Variants in PIEZO1 observed in about 807,000 individuals in gnomAD.
PIEZO1 encodes the protein piezo type mechanosensitive ion channel component 1 (Er blood group), also known as piezo-type mechanosensitive ion channel component 1.
PIEZO1 carries 296 observed loss-of-function variants against 297.2 expected under a neutral mutation model. That is an observed-to-expected ratio of 1.00 (90% confidence interval 0.91 to 1.10). The LOEUF (loss-of-function observed/expected upper bound fraction) is 1.10, where lower values mean the gene tolerates loss of function less well. Ranked by LOEUF, PIEZO1 falls within the 50% of genes least tolerant of loss-of-function variation. The pLI, the probability that PIEZO1 is intolerant of heterozygous loss-of-function variation, is 0.00. For synonymous variants in PIEZO1, 2,427 were observed against 1,507.5 expected (o/e 1.61, Z -14.13); for missense variants, 5,018 against 3,455.5 (o/e 1.45, Z -11.34).
chr16:88,737,793 A>ACC lies in PIEZO1; in HGVS notation c.1040_1041dup (p.Tyr348GlyfsTer9). 1 of 1,535,410 alleles carries ACC rather than the reference A, an allele frequency of 6.5e-7. No homozygotes were observed. Among genetic ancestry groups the ACC allele is most frequent in the Non-Finnish European group, 8.7e-7 (1 of 1,146,648 alleles). On this transcript the variant is annotated frameshift_variant, in exon 9 of 51. Coordinates refer to ENST00000301015, the MANE Select transcript of PIEZO1 (RefSeq NM_001142864.4). LOFTEE classifies it high-confidence loss of function. ...GCTAGCTCCAGCTCCCGAGCCTCAT[A>ACC]CCCCTTTGCCGCCTCCTTCCTCTGC...
intron 1 of PIEZO1, among the ~76,000 whole-genome samples, chr16:88,773,305 C>T (rs1446635590): frequency 6.6e-6 from 1 of 152,240 alleles, no homozygotes; most frequent in Non-Finnish European, 1.5e-5. Context: ...AACGAGGGAC[C>T]CCCTGAATAA....
At chr16:88,745,016 G>A (rs1465830781) in intron 2 of PIEZO1, 1 of 152,120 alleles carries the variant, frequency 6.6e-6, no homozygotes, top group East Asian at 1.9e-4. Flanking sequence ...ATGACCTCAA[G>A]GGGTCGGGTG....
intron 12 of PIEZO1, among the ~76,000 whole-genome samples, chr16:88,735,611 G>A (rs1597459227): frequency 2.0e-5 from 3 of 152,384 alleles, no homozygotes; most frequent in East Asian, 1.9e-4. Flanking sequence ...GCTCACAGGT[G>A]CATATGTTGG....
intron 2 of PIEZO1, chr16:88,745,894 G>C (rs537594779): frequency 6.6e-6 from 1 of 152,398 alleles, no homozygotes; most frequent in South Asian, 2.1e-4. Context: ...CGGAGCCCTT[G>C]GACCCCGGCA....
chr16:88,726,747 C>T lies in PIEZO1; in HGVS notation c.3667G>A (p.Val1223Ile), dbSNP rs185326407. ...VLWDCLILYN[V>I]TVIISKNMLS... is the part of the protein sequence containing the mutation. ...ATGTTCTTGGAGATGATGACGGTGA[C>T]GTTGTACAGAATGAGGCAGTCCCAC... The change falls in exon 25 of 51, where the codon GTC (valine) becomes ATC (isoleucine). Residue 1223 changes from valine (V) to isoleucine (I), a missense_variant. Val to Ile is a conservative substitution (Grantham distance 29, BLOSUM62 3). Transcript: ENST00000301015. 6,233 of 1,549,974 alleles carry T rather than the reference C, an allele frequency of 4.0e-3. 17 individuals carry two copies. Among genetic ancestry groups the T allele is most frequent in the Non-Finnish European group, 4.8e-3 (5,526 of 1,146,800 alleles).
chr16:88,731,688 A>G lies in PIEZO1; in HGVS notation c.3196+18T>C. Reference sequence around the variant, plus strand: ...AAAGCCACAAAGCCCACTCCCACCCAAGCCACGTGCCCCTCACCAATGCAC... The same window carrying G: ...AAAGCCACAAAGCCCACTCCCACCCGAGCCACGTGCCCCTCACCAATGCAC... On this transcript the variant is annotated intron_variant, in intron 22 of 50. Transcript: ENST00000301015. The G allele has an allele frequency of 5.2e-6, 8 of 1,546,100 alleles. No individual in the cohort carries two copies. Among genetic ancestry groups the G allele is most frequent in the Non-Finnish European group, 7.0e-6 (8 of 1,144,204 alleles).
At chr16:88,737,148 C>T in intron 10 of PIEZO1, 1 of 249,474 alleles carries the variant, frequency 4.0e-6, no homozygotes, top group South Asian at 6.1e-5. Context: ...CCCAAGGCGA[C>T]GTGGCCAACA....
Position 88,732,501 on chromosome 16 carries a change from T to A in PIEZO1, c.2825A>T (p.Glu942Val). 1.3e-6 allele frequency: 2 copies of A among 1,548,002 alleles called. No individual in the cohort carries two copies. Among genetic ancestry groups the A allele is most frequent in the East Asian group, 2.4e-5 (1 of 40,842 alleles). Residue 942 changes from glutamate to valine, a missense_variant, in exon 21 of 51, where the codon GAG (glutamate) becomes GTG (valine). Transcript: ENST00000301015. ...CTCCTGGCGCCGGTACACGATGGCC[T>A]CGAATACCAGCAGCAGCAGCACTTG... is the stretch of plus-strand genomic sequence containing the variant. ...HLQVLLLLVF[E>V]AIVYRRQEHY... is the part of the protein sequence containing the mutation.
At chr16:88,760,968 G>A (rs1480827986) in intron 1 of PIEZO1, among the ~76,000 whole-genome samples, 1 of 152,126 alleles carries the variant, frequency 6.6e-6, no homozygotes, top group African/African-American at 2.4e-5. Context: ...GCTGTGGGCT[G>A]GGCACCCACC....
chr16:88,718,946 C>G (rs1466791513), intron 44 of PIEZO1: 1 of 154,516 alleles, frequency 6.5e-6, no homozygotes, highest in Non-Finnish European at 1.5e-5. Context: ...CTGGCCTCAA[C>G]TGATCCTCCT....
In PIEZO1 at chr16:88,717,055, C is replaced by A; in HGVS notation, c.6628G>T (p.Val2210Phe). Residue 2210 changes from valine (V) to phenylalanine (F), a missense_variant, in exon 45 of 51, where the codon GTC becomes TTC. Val to Phe is a conservative substitution (Grantham distance 50). Coordinates refer to ENST00000301015, the MANE Select transcript of PIEZO1 (RefSeq NM_001142864.4). Reference protein sequence around the residue: ...VVGVVNQPIDVTVTLKLGGYE... With the variant: ...VVGVVNQPIDFTVTLKLGGYE... ...CCGCCCAGCTTCAGGGTGACGGTGA[C>A]ATCGATGGGCTGGTTGACAACCCCA... 6.4e-7 allele frequency: 1 copy of A among 1,550,848 alleles called. No individual in the cohort carries two copies. Among genetic ancestry groups the A allele is most frequent in the Non-Finnish European group, 8.7e-7 (1 of 1,147,030 alleles).
At chr16:88,724,065 C>G in intron 30 of PIEZO1, 94 bp from the exon 31 acceptor site, 1 of 740,396 alleles carries the variant, frequency 1.4e-6, no homozygotes, top group Non-Finnish European at 2.3e-6. Context: ...CGAGAGCCAC[C>G]CTTCCCATGC....
intron 1 of PIEZO1, among the ~76,000 whole-genome samples, chr16:88,763,647 G>C (rs1020868960): frequency 1.2e-4 from 19 of 152,224 alleles, no homozygotes; most frequent in Non-Finnish European, 2.6e-4. Flanking sequence ...CTGGGTAACA[G>C]CCGGTAGGTG....
intron 1 of PIEZO1, among the ~76,000 whole-genome samples, chr16:88,771,737 A>G (rs953066796): frequency 2.0e-5 from 3 of 151,926 alleles, no homozygotes; most frequent in African/African-American, 7.3e-5. Flanking sequence ...CCGCGGCCCC[A>G]GGCCCTCCTG....
chr16:88,738,219 G>T lies in PIEZO1; in HGVS notation c.848+8C>A. 9.8e-6 allele frequency: 15 copies of T among 1,535,200 alleles called. No individual in the cohort carries two copies. The highest frequency in any genetic ancestry group is 1.2e-5 in the Non-Finnish European group (14 of 1,146,282). On this transcript the variant is annotated splice_region_variant and intron_variant, in intron 7 of 50. Coordinates refer to ENST00000301015, the MANE Select transcript of PIEZO1 (RefSeq NM_001142864.4). ...GCAGGAAAAAGGGGCTGTGTGGCAA[G>T]CCGTTACCTAGCCCAGATGCCGGCA...
intron 2 of PIEZO1, among the ~76,000 whole-genome samples, chr16:88,748,215 G>C (rs879672189): frequency 3.8e-5 from 3 of 78,368 alleles, no homozygotes; most frequent in Non-Finnish European, 8.1e-5. Flanking sequence ...CGGAGGGCCC[G>C]GCCCCACCCA....
rs1166352369 is a variant in PIEZO1, at chr16:88,715,850, T to TGATGCTGCGGG, written c.7317-7_7320dup (p.Met2441ProfsTer77). On this transcript the variant is annotated frameshift_variant, in exon 51 of 51. Coordinates refer to ENST00000301015, the MANE Select transcript of PIEZO1 (RefSeq NM_001142864.4). LOFTEE classifies it high-confidence loss of function. ...AGCACGATGGACACGTACAGCCCCA[T>TGATGCTGCGGG]GATGCTGCGGGGGAAGCTGGTGAGT... 1 of 1,549,722 alleles carries TGATGCTGCGGG rather than the reference T, an allele frequency of 6.5e-7. No homozygotes were observed. Among genetic ancestry groups the TGATGCTGCGGG allele is most frequent in the South Asian group, 1.2e-5 (1 of 84,064 alleles).
intron 1 of PIEZO1, among the ~76,000 whole-genome samples, chr16:88,768,285 CCCAT>C (rs1010547861): frequency 4.6e-5 from 7 of 152,198 alleles, no homozygotes; most frequent in African/African-American, 7.2e-5. Flanking sequence ...GCAGGGTGTC[CCCAT>C]AGCTGTTCCC....
At chr16:88,761,555 G>C (rs1597480289) in intron 1 of PIEZO1, among the ~76,000 whole-genome samples, 1 of 152,194 alleles carries the variant, frequency 6.6e-6, no homozygotes, top group South Asian at 2.1e-4. Context: ...GAGCTGGGAG[G>C]TGCCTTTGCG....
Sources: gnomAD v4.1 joint callset for allele counts (sites outside exome capture counted in the v4.1 genomes callset) on GRCh38, gnomAD v4.1.1 for gene constraint, MANE v1.5 for transcripts, NCBI Gene and HGNC (gene_info 2026-07-23, HGNC 2026-07-21) for gene names.